IARS2: variants seen among roughly 807,000 people sequenced by gnomAD.
IARS2 encodes isoleucine--tRNA ligase, mitochondrial.
In IARS2, 56 loss-of-function variants were observed where a neutral mutation model predicts 126.3. The observed-to-expected ratio is 0.44, with a 90% CI of 0.36 to 0.55. IARS2 has a LOEUF of 0.55. Among genes scored for constraint, IARS2 ranks in the 20% least tolerant of loss-of-function variants. The pLI is 0.00. For missense variants in IARS2, 1,127 were observed against 1,245.9 expected, an observed-to-expected ratio of 0.90 and a Z score of 1.44; for synonymous variants, 407 against 441.1, an observed-to-expected ratio of 0.92 and a Z score of 0.97.
At chr1:220,139,414 G>A (rs1268084466) in intron 18 of IARS2, among the ~76,000 whole-genome samples, 4 of 152,130 alleles carry the variant, frequency 2.6e-5, no homozygotes, top group African/African-American at 9.7e-5. Context: ...TATCCTATTT[G>A]TCTCATAAGA....
At chr1:220,136,402 G>T (rs955233019) in intron 15 of IARS2, among the ~76,000 whole-genome samples, 1 of 152,276 alleles carries the variant, frequency 6.6e-6, no homozygotes, top group South Asian at 2.1e-4. Context: ...AGAGTGTTGG[G>T]ATTACAGGCG....
chr1:220,147,395 G>T, intron 22 of IARS2, 98 bp from the exon 23 acceptor site: 1 of 1,166,540 alleles, frequency 8.6e-7, no homozygotes, highest in Non-Finnish European at 1.2e-6. Flanking sequence ...ACCAAGGCAG[G>T]ACAAAAGACT....
chr1:220,138,072 A>C (rs1452840658), intron 17 of IARS2, 29 bp downstream of exon 17: 1 of 1,606,636 alleles, frequency 6.2e-7, no homozygotes. Context: ...CCTATTTCTA[A>C]AGGACAAGTT....
intron 17 of IARS2, among the ~76,000 whole-genome samples, chr1:220,138,784 TA>T (rs780149590): frequency 1.6e-4 from 25 of 152,172 alleles, no homozygotes; most frequent in Non-Finnish European, 2.8e-4. Context: ...ATTCAGTCGT[TA>T]GGCGTAAAAT....
intron 2 of IARS2, among the ~76,000 whole-genome samples, chr1:220,097,405 C>T (rs1053368084): frequency 2.7e-5 from 4 of 150,622 alleles, no homozygotes; most frequent in African/African-American, 9.9e-5. Flanking sequence ...GTACTGTCGC[C>T]CGGACTGGAG....
At chr1:220,109,180 C>G (rs1656749452) in intron 10 of IARS2, among the ~76,000 whole-genome samples, 1 of 152,086 alleles carries the variant, frequency 6.6e-6, no homozygotes, top group South Asian at 2.1e-4. Context: ...GCGGACATAT[C>G]ACGAGGTCAG....
intron 15 of IARS2, among the ~76,000 whole-genome samples, chr1:220,135,299 C>T (rs1657348988): frequency 6.6e-6 from 1 of 152,102 alleles, no homozygotes; most frequent in South Asian, 2.1e-4. Flanking sequence ...AGAAAGATTC[C>T]TAAATAGCTT....
At chr1:220,144,271 A>T in intron 21 of IARS2, 2 of 764,170 alleles carry the variant, frequency 2.6e-6, no homozygotes, top group Non-Finnish European at 4.8e-6. Context: ...GCACGGCCTA[A>T]TAAGCACCTG....
chr1:220,112,159 G>T (rs1391344545), intron 11 of IARS2, among the ~76,000 whole-genome samples: 2 of 48,652 alleles, frequency 4.1e-5, no homozygotes, highest in South Asian at 6.8e-4. Flanking sequence ...ACGGAGTCTC[G>T]CTCTGTCGCC....
chr1:220,135,548 C>T (rs781497395), intron 15 of IARS2, among the ~76,000 whole-genome samples: 12 of 151,932 alleles, frequency 7.9e-5, no homozygotes, highest in Non-Finnish European at 1.5e-4. Flanking sequence ...TTAATAGAGA[C>T]GGGATTTCAC....
intron 12 of IARS2, among the ~76,000 whole-genome samples, chr1:220,123,436 T>A (rs1311974561): frequency 6.6e-6 from 1 of 152,188 alleles, no homozygotes; most frequent in African/African-American, 2.4e-5. Context: ...CCAGCTTTTA[T>A]AAGGTATTTC....
At chr1:220,126,933 C>G in intron 14 of IARS2, 90 bp downstream of exon 14, 2 of 872,902 alleles carry the variant, frequency 2.3e-6, no homozygotes, top group Non-Finnish European at 3.6e-6. Context: ...AACTCTTTTT[C>G]TGTGTGTGCT....
At chr1:220,098,857 T>C (rs1571843073) in intron 2 of IARS2, among the ~76,000 whole-genome samples, 1 of 152,138 alleles carries the variant, frequency 6.6e-6, no homozygotes, top group Non-Finnish European at 1.5e-5. Context: ...CTGTTAATTA[T>C]TAGTTCCAGT....
intron 22 of IARS2, 105 bp from the exon 23 acceptor site, chr1:220,147,388 A>G: frequency 9.3e-7 from 1 of 1,071,900 alleles, no homozygotes; most frequent in Non-Finnish European, 1.4e-6. Flanking sequence ...AAGCTTTACC[A>G]AGGCAGGACA....
chr1:220,146,287 C>T (rs1023167530), intron 22 of IARS2, among the ~76,000 whole-genome samples: 38 of 152,066 alleles, frequency 2.5e-4, no homozygotes, highest in Non-Finnish European at 4.7e-4. Flanking sequence ...GAGGCCGAGG[C>T]GGGCGGATCG....
rs369848413 is a variant in IARS2, at chr1:220,095,387, C to G, written c.268-717C>G. On this transcript the variant is annotated intron_variant, in intron 1 of 22. Coordinates refer to ENST00000366922, the MANE Select transcript of IARS2 (RefSeq NM_018060.4). ...AGATTCCTCTTTAGCTTCTGTAATT[C>G]TAGTCTTTAAAAATCCCTGATATTC... is the stretch of plus-strand genomic sequence containing the variant. 1.1e-4 allele frequency among the ~76,000 whole-genome samples: 16 copies of G among 152,294 alleles called. No individual in the cohort carries two copies. In the South Asian group the frequency reaches 2.1e-3, roughly 20 times the overall value.
intron 15 of IARS2, among the ~76,000 whole-genome samples, chr1:220,136,045 A>T (rs1252118679): frequency 1.3e-5 from 2 of 152,156 alleles, no homozygotes; most frequent in Non-Finnish European, 2.9e-5. Context: ...AGCTCAGAAA[A>T]TAATCTGTTT....
chr1:220,117,208 T>TG (rs1656932808), intron 12 of IARS2, among the ~76,000 whole-genome samples: 1 of 141,550 alleles, frequency 7.1e-6, no homozygotes, highest in African/African-American at 2.6e-5. Flanking sequence ...TTTTTTTTTT[T>TG]GAGATGGAGT....
chr1:220,096,153 A>T lies in IARS2; in HGVS notation c.317A>T (p.Lys106Met). ...LYSWQRERKVKTEFCLHDGPP... is the reference protein window; with the variant it reads ...LYSWQRERKVMTEFCLHDGPP... Reference sequence around the variant, plus strand: ...TCATGGCAAAGAGAAAGAAAAGTAAAGACAGAATTTTGCCTTCATGATGGA... The same window carrying T: ...TCATGGCAAAGAGAAAGAAAAGTAATGACAGAATTTTGCCTTCATGATGGA... Residue 106 changes from lysine (K) to methionine (M), a missense_variant, in exon 2 of 23, where the codon AAG becomes ATG. Coordinates refer to ENST00000366922, the MANE Select transcript of IARS2 (RefSeq NM_018060.4). The T allele has an allele frequency of 6.4e-7, 1 of 1,556,708 alleles. No individual in the cohort carries two copies. The highest frequency in any genetic ancestry group is 8.8e-7 in the Non-Finnish European group (1 of 1,130,508).
Sources: allele counts gnomAD v4.1 joint callset (sites outside exome capture counted in the v4.1 genomes callset), GRCh38; gene constraint gnomAD v4.1.1; transcripts MANE v1.5; gene names NCBI Gene and HGNC (gene_info 2026-07-23, HGNC 2026-07-21).